STAMBPL1: variants seen among roughly 807,000 people sequenced by gnomAD.
STAMBPL1 encodes the protein STAM binding protein like 1, also known as AMSH-like protease.
Under a neutral mutation model 52.9 loss-of-function variants are expected in STAMBPL1, and 44 were observed. That is an observed-to-expected ratio of 0.83 (90% CI 0.65 to 1.07). The LOEUF is 1.07. Ranked by LOEUF, STAMBPL1 falls within the 50% of genes least tolerant of loss-of-function variation. The probability of loss-of-function intolerance (pLI) is 0.00; values close to 1 mark genes in which losing one functional copy is unlikely to be tolerated. For synonymous variants in STAMBPL1, 164 were observed against 177.3 expected (o/e 0.92, Z 0.60); for missense variants, 511 against 520.8 (o/e 0.98, Z 0.18).
intron 7 of STAMBPL1, 25 bp from the exon 8 acceptor site, chr10:88,916,655 C>A: frequency 1.3e-6 from 2 of 1,550,120 alleles, no homozygotes; most frequent in Non-Finnish European, 8.7e-7. Flanking sequence ...AGATGCATGT[C>A]ATTCTTTCTG....
In STAMBPL1 at chr10:88,913,328, A is replaced by G. The variant is rs765654366; in HGVS notation, c.648A>G (p.Thr216=). The G allele has an allele frequency of 1.2e-6, 2 of 1,613,892 alleles. No individual in the cohort carries two copies. The highest frequency in any genetic ancestry group is 8.5e-7 in the Non-Finnish European group (1 of 1,179,824). ...GGAGCGCTTTGTCCTGCTTTTCCACACACCAGAACAATTCCTTGCTGAATG... is the reference window on the plus strand; with the variant it reads ...GGAGCGCTTTGTCCTGCTTTTCCACGCACCAGAACAATTCCTTGCTGAATG... ...IDGSALSCFS[T]HQNNSLLNVF... The change falls in exon 6 of 11, where the codon ACA becomes ACG. Residue 216 remains threonine, a synonymous_variant. Transcript: ENST00000371926.
intron 1 of STAMBPL1, among the ~76,000 whole-genome samples, chr10:88,886,199 G>T (rs1049553443): frequency 2.0e-5 from 3 of 152,130 alleles, no homozygotes; most frequent in African/African-American, 7.2e-5. Flanking sequence ...CAATCATCTG[G>T]GTACTAATTT....
At chr10:88,922,499 T>C in intron 10 of STAMBPL1, 63 bp downstream of exon 10, 7 of 1,475,694 alleles carry the variant, frequency 4.7e-6, no homozygotes, top group Non-Finnish European at 6.6e-6. Context: ...CCAATCTGTT[T>C]TTAAATAAAT....
At chr10:88,918,206 G>A (rs1209060671) in intron 8 of STAMBPL1, among the ~76,000 whole-genome samples, 1 of 152,032 alleles carries the variant, frequency 6.6e-6, no homozygotes, top group Non-Finnish European at 1.5e-5. Flanking sequence ...GGACCTCCAA[G>A]TGCCCTTGAG....
At chr10:88,894,620 G>T (rs1844767496) in intron 1 of STAMBPL1, among the ~76,000 whole-genome samples, 1 of 152,146 alleles carries the variant, frequency 6.6e-6, no homozygotes, top group African/African-American at 2.4e-5. Context: ...ATCAATGAGA[G>T]AAAATAGATT....
chr10:88,905,477 T>C lies in STAMBPL1; in HGVS notation c.65T>C (p.Val22Ala). ...GCTGCTATGCCTGACCATACAGATG[T>C]TTCCCTAAGCCCAGAAGAGCGAGTC... ...KLAAMPDHTD[V>A]SLSPEERVRA... The change falls in exon 3 of 11, where the codon GTT becomes GCT. Residue 22 changes from valine (V) to alanine (A), a missense_variant. Physicochemically the swap from Val to Ala is moderately conservative, Grantham distance 64 (BLOSUM62 0). Coordinates refer to ENST00000371926, the MANE Select transcript of STAMBPL1 (RefSeq NM_020799.4). 1 of 1,614,116 alleles carries C rather than the reference T, an allele frequency of 6.2e-7. No homozygotes were observed. Among genetic ancestry groups the C allele is most frequent in the Non-Finnish European group, 8.5e-7 (1 of 1,179,988 alleles).
At chr10:88,881,013 A>G (rs550417934) in intron 1 of STAMBPL1, among the ~76,000 whole-genome samples, 1 of 151,726 alleles carries the variant, frequency 6.6e-6, no homozygotes, top group Admixed American at 6.6e-5. Context: ...GATGATGTCG[A>G]CCTTGGGAGA....
intron 7 of STAMBPL1, among the ~76,000 whole-genome samples, chr10:88,915,912 T>A (rs1461641554): frequency 6.6e-6 from 1 of 152,078 alleles, no homozygotes; most frequent in East Asian, 1.9e-4. Flanking sequence ...CAGTGCATAG[T>A]GTGCAGGAAA....
Position 88,923,164 on chromosome 10 carries a change from CT to C in STAMBPL1, c.1255-3del. On this transcript the variant is annotated splice_polypyrimidine_tract_variant and splice_region_variant and intron_variant, in intron 10 of 10. Transcript: ENST00000371926. ...TATGGTAAAACCAATTTTTTCTTTC[CT>C]AGATATGCAAACATGTGTTGGTAAA... 1 of 1,600,482 alleles carries C rather than the reference CT, an allele frequency of 6.2e-7. No homozygotes were observed. Among genetic ancestry groups the C allele is most frequent in the Admixed American group, 1.8e-5 (1 of 56,662 alleles).
intron 1 of STAMBPL1, among the ~76,000 whole-genome samples, chr10:88,894,843 C>CTCATAATA (rs1844774300): frequency 6.6e-6 from 1 of 152,026 alleles, no homozygotes; most frequent in Admixed American, 6.6e-5. Context: ...ATATTTAAAT[C>CTCATAATA]TCATAATATT....
At chr10:88,912,254 G>C (rs1186372364) in intron 5 of STAMBPL1, 4 of 152,220 alleles carry the variant, frequency 2.6e-5, no homozygotes, top group Non-Finnish European at 5.9e-5. Context: ...GTATGCACCT[G>C]AATGTGCCAC....
intron 1 of STAMBPL1, among the ~76,000 whole-genome samples, chr10:88,885,116 C>T (rs1413407698): frequency 6.6e-6 from 1 of 152,212 alleles, no homozygotes; most frequent in Non-Finnish European, 1.5e-5. Flanking sequence ...AATTGCTCAG[C>T]ATCATAGGCT....
chr10:88,897,944 A>C (rs1261506860), intron 1 of STAMBPL1, among the ~76,000 whole-genome samples: 1 of 152,180 alleles, frequency 6.6e-6, no homozygotes, highest in Non-Finnish European at 1.5e-5. Context: ...AAATTTTCTA[A>C]TTGTTTTAGT....
At chr10:88,908,227 A>G (rs10509559) in intron 3 of STAMBPL1, among the ~76,000 whole-genome samples, 8,210 of 152,196 alleles carry the variant, frequency 0.054, 570 homozygotes, top group African/African-American at 0.16. Context: ...TCTGGTTGTC[A>G]CTTTTCTTAG....
chr10:88,883,165 C>T (rs572830955), intron 1 of STAMBPL1, among the ~76,000 whole-genome samples: 22 of 151,998 alleles, frequency 1.4e-4, no homozygotes, highest in Non-Finnish European at 2.4e-4. Flanking sequence ...CAGCTTCATC[C>T]GTGTCCCTAC....
chr10:88,886,444 T>C lies in STAMBPL1; in HGVS notation c.-54+5806T>C, dbSNP rs146043643. Among the ~76,000 whole-genome samples the C allele has an allele frequency of 1.8e-3, 275 of 152,346 alleles. 1 individual carries two copies. The highest frequency in any genetic ancestry group is 6.2e-3 in the African/African-American group (259 of 41,582). ...TTATATTATTTGGCAAAAGTTCAAT[T>C]CTTTTTAAAGAAACATTTTAAATTT... is the stretch of plus-strand genomic sequence containing the variant. On this transcript the variant is annotated intron_variant, in intron 1 of 10. Coordinates refer to ENST00000371926, the MANE Select transcript of STAMBPL1 (RefSeq NM_020799.4).
chr10:88,905,652 A>G lies in STAMBPL1; in HGVS notation c.240A>G (p.Lys80=). ...NLENAFVLYN[K]FITLFVEKLP... is the part of the protein sequence containing the mutation. ...AAAATGCCTTTGTTCTTTATAATAA[A>G]TTTATAACGTAAGTGTTTTAAAGGC... The change falls in exon 3 of 11, where the codon AAA becomes AAG. Residue 80 remains lysine, a synonymous_variant. Transcript: ENST00000371926. 1 of 1,612,660 alleles carries G rather than the reference A, an allele frequency of 6.2e-7. No homozygotes were observed. The highest frequency in any genetic ancestry group is 1.1e-5 in the South Asian group (1 of 91,006).
At chr10:88,901,315 A>C (rs1409371948) in intron 1 of STAMBPL1, 2 of 156,526 alleles carry the variant, frequency 1.3e-5, no homozygotes, top group African/African-American at 4.8e-5. Context: ...CATGCTTCTA[A>C]TCAGTATTAT....
At chr10:88,919,123 C>A (rs936956810) in intron 8 of STAMBPL1, among the ~76,000 whole-genome samples, 1 of 152,084 alleles carries the variant, frequency 6.6e-6, no homozygotes, top group Non-Finnish European at 1.5e-5. Flanking sequence ...AATAAAAGGT[C>A]TGAAACATAG....
Sources: gnomAD v4.1 joint callset for allele counts (sites outside exome capture counted in the v4.1 genomes callset) on GRCh38, gnomAD v4.1.1 for gene constraint, MANE v1.5 for transcripts, NCBI Gene and HGNC (gene_info 2026-07-23, HGNC 2026-07-21) for gene names.